CLVS2: variants seen among roughly 807,000 people sequenced by gnomAD.
The protein encoded by CLVS2 is clavesin 2.
Under a neutral mutation model 29.0 loss-of-function variants are expected in CLVS2, and 19 were observed. The observed-to-expected ratio is 0.66, with a 90% CI of 0.46 to 0.96. CLVS2 has a LOEUF of 0.96. CLVS2 is among the 40% of genes least tolerant of loss of function. The probability of loss-of-function intolerance (pLI) is 0.00; values close to 1 mark genes in which losing one functional copy is unlikely to be tolerated. For missense variants in CLVS2, 294 were observed against 404.1 expected (o/e 0.73, Z 2.34); for synonymous variants, 161 against 151.3 (o/e 1.06, Z -0.47).
intron 4 of CLVS2, among the ~76,000 whole-genome samples, chr6:123,052,546 G>A (rs959669400): frequency 1.3e-5 from 2 of 152,158 alleles, no homozygotes; most frequent in African/African-American, 4.8e-5. Context: ...AGAGAGGACA[G>A]TTAGGAGGCT....
intron 5 of CLVS2, among the ~76,000 whole-genome samples, chr6:123,056,454 C>T (rs188083913): frequency 6.6e-6 from 1 of 152,126 alleles, no homozygotes; most frequent in Non-Finnish European, 1.5e-5. Context: ...TTTTAGATTC[C>T]ACATATAAGT....
rs1772955366 is a variant in CLVS2 at position 123,071,892 on chromosome 6, C to T, written c.*8131C>T. 1 of 151,958 alleles carries T rather than the reference C, an allele frequency of 6.6e-6. No homozygotes were observed. Among genetic ancestry groups the T allele is most frequent in the African/African-American group, 2.4e-5 (1 of 41,416 alleles). 9.4% of individuals were successfully genotyped at this position (151,958 alleles called of 1,614,324 possible). A position where few individuals can be genotyped will look rare whatever the true frequency, so the allele number is the denominator to read the frequency against. ...GTGACACAAGATGATAGAAATTGCTCATGCTCACATATATTCCAACTGGCT... is the reference window on the plus strand; with the variant it reads ...GTGACACAAGATGATAGAAATTGCTTATGCTCACATATATTCCAACTGGCT... On this transcript the variant is annotated 3_prime_UTR_variant, in exon 6 of 6. Coordinates refer to ENST00000275162, the MANE Select transcript of CLVS2 (RefSeq NM_001010852.4).
intron 2 of CLVS2, among the ~76,000 whole-genome samples, chr6:123,010,437 AC>A (rs1774731766): frequency 6.6e-6 from 1 of 152,008 alleles, no homozygotes; most frequent in South Asian, 2.1e-4. Flanking sequence ...AATTTCCATG[AC>A]TTTTCCCACT....
At chr6:123,000,658 C>G (rs1440958607) in intron 2 of CLVS2, among the ~76,000 whole-genome samples, 1 of 152,200 alleles carries the variant, frequency 6.6e-6, no homozygotes, top group Admixed American at 6.5e-5. Context: ...TTTCTCTTAT[C>G]CCTCATCCCT....
At chr6:123,040,481 G>A (rs971952836) in intron 3 of CLVS2, among the ~76,000 whole-genome samples, 8 of 152,258 alleles carry the variant, frequency 5.3e-5, no homozygotes, top group Middle Eastern at 3.4e-3. Context: ...TGTTCTCCCC[G>A]CCATGGAATC....
chr6:123,047,900 T>G (rs1772541344), intron 3 of CLVS2, among the ~76,000 whole-genome samples: 1 of 152,122 alleles, frequency 6.6e-6, no homozygotes, highest in Non-Finnish European at 1.5e-5. Context: ...TCCCTTCATA[T>G]TTTGGAATGG....
chr6:123,011,277 T>C, intron 3 of CLVS2, 118 bp downstream of exon 3: 1 of 691,622 alleles, frequency 1.4e-6, no homozygotes, highest in East Asian at 3.0e-5. Context: ...AAATCTGTAG[T>C]TTTTGAGCAC....
rs1774985656 is a variant in CLVS2, at chr6:123,025,276, G to A, written c.564+14117G>A. Among the ~76,000 whole-genome samples the A allele has an allele frequency of 2.0e-5, 3 of 152,038 alleles. No individual in the cohort carries two copies. In the South Asian group the frequency reaches 6.2e-4, roughly 32 times the overall value. On this transcript the variant is annotated intron_variant, in intron 3 of 5. Coordinates refer to ENST00000275162, the MANE Select transcript of CLVS2 (RefSeq NM_001010852.4). ...CCCACATTAGAGTGGGAGTGAATAG[G>A]TGCAAAAAAATGAATAAATGGAGTT... is the stretch of plus-strand genomic sequence containing the variant.
At chr6:123,040,547 C>A (rs1485395357) in intron 3 of CLVS2, among the ~76,000 whole-genome samples, 1 of 152,220 alleles carries the variant, frequency 6.6e-6, no homozygotes, top group Admixed American at 6.5e-5. Context: ...GTAATCCCAG[C>A]ACTTTGTGAG....
chr6:123,060,620 A>T (rs951390148), intron 5 of CLVS2, among the ~76,000 whole-genome samples: 1 of 152,232 alleles, frequency 6.6e-6, no homozygotes, highest in African/African-American at 2.4e-5. Flanking sequence ...GCATAACTAC[A>T]AAGTAGCAAT....
intron 3 of CLVS2, among the ~76,000 whole-genome samples, chr6:123,046,368 C>T (rs1772508826): frequency 6.6e-6 from 1 of 152,090 alleles, no homozygotes; most frequent in African/African-American, 2.4e-5. Flanking sequence ...GTTTAAGAAT[C>T]ATTTGAGCCG....
intron 3 of CLVS2, among the ~76,000 whole-genome samples, chr6:123,011,886 A>T (rs1253248980): frequency 6.6e-6 from 1 of 152,040 alleles, no homozygotes; most frequent in African/African-American, 2.4e-5. Flanking sequence ...AACTTCTAAA[A>T]ATATTTACAA....
intron 4 of CLVS2, among the ~76,000 whole-genome samples, chr6:123,055,427 C>T (rs1348695581): frequency 3.9e-5 from 6 of 152,196 alleles, no homozygotes; most frequent in African/African-American, 9.7e-5. Flanking sequence ...TCTGTTTTCA[C>T]AGCATTCATT....
At chr6:123,026,628 G>C (rs879264159) in intron 3 of CLVS2, among the ~76,000 whole-genome samples, 2 of 152,094 alleles carry the variant, frequency 1.3e-5, no homozygotes, top group African/African-American at 2.4e-5. Flanking sequence ...ATATGCCTTA[G>C]AGAAAAATAT....
chr6:123,029,076 C>T (rs1219854563), intron 3 of CLVS2, among the ~76,000 whole-genome samples: 1 of 152,184 alleles, frequency 6.6e-6, no homozygotes, highest in Non-Finnish European at 1.5e-5. Flanking sequence ...GAAGGAGACC[C>T]TCACCAGAAC....
chr6:123,057,239 C>T (rs973800668), intron 5 of CLVS2, among the ~76,000 whole-genome samples: 3 of 151,930 alleles, frequency 2.0e-5, no homozygotes, highest in African/African-American at 4.8e-5. Flanking sequence ...CGGGTCATGC[C>T]AATGTCTGGC....
At chr6:123,027,971 A>AT (rs1184452268) in intron 3 of CLVS2, among the ~76,000 whole-genome samples, 2 of 152,178 alleles carry the variant, frequency 1.3e-5, no homozygotes, top group Non-Finnish European at 2.9e-5. Flanking sequence ...TCTTACATGA[A>AT]TTTTTAGTAA....
In CLVS2 at chr6:122,997,732, C is replaced by G; in HGVS notation, c.-46C>G. The G allele has an allele frequency of 6.3e-7, 1 of 1,586,000 alleles. No individual in the cohort carries two copies. Among genetic ancestry groups the G allele is most frequent in the Non-Finnish European group, 8.6e-7 (1 of 1,165,580 alleles). On this transcript the variant is annotated 5_prime_UTR_variant, in exon 2 of 6. Transcript: ENST00000275162. ...GGCAAGGACCAGGTTTGCTTTGGGA[C>G]AGTCAACAAGGTCTTCTGAGGGAAA... is the stretch of plus-strand genomic sequence containing the variant.
intron 3 of CLVS2, among the ~76,000 whole-genome samples, chr6:123,043,058 A>G (rs1269209175): frequency 6.6e-6 from 1 of 152,146 alleles, no homozygotes; most frequent in Non-Finnish European, 1.5e-5. Context: ...CTGCCACAAA[A>G]TCACTTCTAC....
Sources: gnomAD v4.1 joint callset for allele counts (sites outside exome capture counted in the v4.1 genomes callset) on GRCh38, gnomAD v4.1.1 for gene constraint, MANE v1.5 for transcripts, NCBI Gene and HGNC (gene_info 2026-07-23, HGNC 2026-07-21) for gene names.